The following NFAM1 variants were observed in gnomAD, a reference collection of about 807,000 sequenced individuals.
The protein encoded by NFAM1 is NFAT activation molecule 1.
In NFAM1, 17 loss-of-function variants were observed where a neutral mutation model predicts 29.0. The ratio of observed to expected loss-of-function variants is 0.59; its 90% confidence interval spans 0.40 to 0.88. The LOEUF is 0.88. Among genes scored for constraint, NFAM1 ranks in the 40% least tolerant of loss-of-function variants. The probability of loss-of-function intolerance (pLI) is 0.00; values close to 1 mark genes in which losing one functional copy is unlikely to be tolerated. For missense variants in NFAM1, 324 were observed against 344.6 expected (o/e 0.94, Z 0.47); for synonymous variants, 175 against 147.2 (o/e 1.19, Z -1.36).
chr22:42,384,193 A>T lies in NFAM1; in HGVS notation c.*968T>A, dbSNP rs930015375. On this transcript the variant is annotated 3_prime_UTR_variant, in exon 6 of 6. Coordinates refer to ENST00000329021, the MANE Select transcript of NFAM1 (RefSeq NM_145912.8). ...AAGATAGAGGAGGAGGGCTGGATGA[A>T]GCCACAGGTGGTGGGCACAGGATAG... 6.5e-6 allele frequency: 1 copy of T among 153,028 alleles called. No individual in the cohort carries two copies. The highest frequency in any genetic ancestry group is 2.4e-5 in the African/African-American group (1 of 41,450). 9.5% of individuals were successfully genotyped at this position (153,028 alleles called of 1,614,324 possible).
chr22:42,413,650 G>A (rs952012633), intron 1 of NFAM1, among the ~76,000 whole-genome samples: 2 of 152,062 alleles, frequency 1.3e-5, no homozygotes, highest in South Asian at 2.1e-4. Flanking sequence ...CAGGAGCCGC[G>A]GTGGCTCAGG....
intron 5 of NFAM1, among the ~76,000 whole-genome samples, chr22:42,386,396 A>AACAC (rs59742194): frequency 0.033 from 4,183 of 125,254 alleles, 217 homozygotes; most frequent in African/African-American, 0.11. Context: ...AAAACAAACA[A>AACAC]ACACACACAC....
intron 4 of NFAM1, among the ~76,000 whole-genome samples, chr22:42,396,860 T>A (rs1929542225): frequency 6.6e-6 from 1 of 151,920 alleles, no homozygotes; most frequent in African/African-American, 2.4e-5. Flanking sequence ...TTAGGGTGAG[T>A]CAATGTTGTG....
At chr22:42,401,668 T>C (rs1368078413) in intron 3 of NFAM1, among the ~76,000 whole-genome samples, 1 of 152,128 alleles carries the variant, frequency 6.6e-6, no homozygotes, top group African/African-American at 2.4e-5. Flanking sequence ...ACATTTGCCT[T>C]TCAACTGTGA....
chr22:42,400,559 G>C (rs1186383338), intron 3 of NFAM1, among the ~76,000 whole-genome samples: 1 of 152,242 alleles, frequency 6.6e-6, no homozygotes, highest in Non-Finnish European at 1.5e-5. Context: ...GGAGGTTGCA[G>C]TGAGCTGAGA....
At chr22:42,424,952 T>C (rs1395986981) in intron 1 of NFAM1, among the ~76,000 whole-genome samples, 2 of 151,160 alleles carry the variant, frequency 1.3e-5, no homozygotes, top group Non-Finnish European at 2.9e-5. Flanking sequence ...GATGGAGTCT[T>C]GCTCTGTCGC....
chr22:42,426,681 G>T (rs1273599284), intron 1 of NFAM1, among the ~76,000 whole-genome samples: 1 of 152,208 alleles, frequency 6.6e-6, no homozygotes, highest in Admixed American at 6.5e-5. Context: ...GGGGGACTGG[G>T]GAGGCCATGG....
At chr22:42,405,637 T>C (rs986722378) in intron 3 of NFAM1, among the ~76,000 whole-genome samples, 7 of 152,136 alleles carry the variant, frequency 4.6e-5, no homozygotes, top group Non-Finnish European at 8.8e-5. Context: ...TGGGTCTCCA[T>C]CCTAACCCTG....
chr22:42,391,501 G>A (rs983081694), intron 4 of NFAM1, among the ~76,000 whole-genome samples: 4 of 152,242 alleles, frequency 2.6e-5, no homozygotes, highest in East Asian at 1.9e-4. Flanking sequence ...TTCTGGATAC[G>A]TTTTGAAGCA....
At chr22:42,407,064 C>T (rs577660569) in intron 3 of NFAM1, among the ~76,000 whole-genome samples, 29 of 150,966 alleles carry the variant, frequency 1.9e-4, no homozygotes, top group Non-Finnish European at 4.0e-4. Flanking sequence ...CATGAGCCAC[C>T]GCACCCGGAC....
At chr22:42,431,145 C>A (rs1354198913) in intron 1 of NFAM1, among the ~76,000 whole-genome samples, 7 of 152,212 alleles carry the variant, frequency 4.6e-5, no homozygotes, top group African/African-American at 1.7e-4. Context: ...TGGCCTGGGG[C>A]TGAGGCTGGC....
rs776407547 is a variant in NFAM1 at position 42,411,688 on chromosome 22, G to A, written c.170C>T (p.Ala57Val). 6.2e-7 allele frequency: 1 copy of A among 1,613,988 alleles called. No individual in the cohort carries two copies. The highest frequency in any genetic ancestry group is 1.1e-5 in the South Asian group (1 of 91,094). Residue 57 changes from alanine to valine, a missense_variant, in exon 2 of 6, where the codon GCC (alanine) becomes GTC (valine). Physicochemically the swap from Ala to Val is moderately conservative, Grantham distance 64. Coordinates refer to ENST00000329021, the MANE Select transcript of NFAM1 (RefSeq NM_145912.8). ...HTGLPIMASL[A>V]NTAISFSCRI... ...GCAGCTGAAGGAGATAGCTGTGTTG[G>A]CCAGGGAGGCCATGATGGGCAGGCC...
chr22:42,422,933 T>C (rs1359326434), intron 1 of NFAM1, among the ~76,000 whole-genome samples: 1 of 151,766 alleles, frequency 6.6e-6, no homozygotes. Flanking sequence ...GTCAAGATGG[T>C]GAAACCCTGT....
Position 42,382,900 on chromosome 22 carries a change from C to T in NFAM1, c.*2261G>A, listed in dbSNP as rs41277491. 322 of 152,850 alleles carry T rather than the reference C, an allele frequency of 2.1e-3. No individual in the cohort carries two copies. Among genetic ancestry groups the T allele is most frequent in the Non-Finnish European group, 3.6e-3 (248 of 68,326 alleles). 9.5% of individuals were successfully genotyped at this position (152,850 alleles called of 1,614,324 possible). A position where few individuals can be genotyped will look rare whatever the true frequency, so the allele number is the denominator to read the frequency against. Reference sequence around the variant, plus strand: ...CTGAACCAAGCACAGACGACCACCACGCTGGCAATGTCTCTGTCCACCAGA... The same window carrying T: ...CTGAACCAAGCACAGACGACCACCATGCTGGCAATGTCTCTGTCCACCAGA... On this transcript the variant is annotated 3_prime_UTR_variant, in exon 6 of 6. Transcript: ENST00000329021.
chr22:42,429,652 G>T, intron 1 of NFAM1, among the ~76,000 whole-genome samples: 1 of 152,190 alleles, frequency 6.6e-6, no homozygotes, highest in South Asian at 2.1e-4. Flanking sequence ...AACTGAAGAT[G>T]AATGCCCCTG....
chr22:42,384,042 G>A lies in NFAM1; in HGVS notation c.*1119C>T, dbSNP rs1190029770. 2.0e-5 allele frequency: 3 copies of A among 152,884 alleles called. No individual in the cohort carries two copies. Among genetic ancestry groups the A allele is most frequent in the African/African-American group, 7.2e-5 (3 of 41,582 alleles). The allele number at this position is 152,884 out of a possible 1,614,324, so 9.5% of individuals were successfully genotyped here. A position where few individuals can be genotyped will look rare whatever the true frequency, so the allele number is the denominator to read the frequency against. ...GGCACTGGGGAGCCACTGTCCCCAT[G>A]GGGCTTGAGCTTCTGCCTCAGAGGG... On this transcript the variant is annotated 3_prime_UTR_variant, in exon 6 of 6. Transcript: ENST00000329021.
At chr22:42,389,674 GGGGCTGGGCT>G (rs1292110654) in intron 4 of NFAM1, among the ~76,000 whole-genome samples, 2 of 148,778 alleles carry the variant, frequency 1.3e-5, no homozygotes, top group African/African-American at 2.5e-5. Context: ...TGGGGGCTGG[GGGGCTGGGCT>G]GGGCTGGGCT....
At chr22:42,434,980 G>C (rs1930906332), upstream of NFAM1, among the ~76,000 whole-genome samples, 1 of 152,248 alleles carries the variant, frequency 6.6e-6, no homozygotes, top group South Asian at 2.1e-4. Flanking sequence ...AAGTGAAAGA[G>C]CCTAGCCTCC....
intron 3 of NFAM1, among the ~76,000 whole-genome samples, chr22:42,406,506 C>T (rs1162257083): frequency 2.0e-5 from 3 of 152,180 alleles, no homozygotes; most frequent in Non-Finnish European, 4.4e-5. Context: ...GCCACATGGG[C>T]CCCCATGCAG....
Sources: allele counts gnomAD v4.1 joint callset (sites outside exome capture counted in the v4.1 genomes callset), GRCh38; gene constraint gnomAD v4.1.1; transcripts MANE v1.5; gene names NCBI Gene and HGNC (gene_info 2026-07-23, HGNC 2026-07-21).